SMO: variants seen among roughly 807,000 people sequenced by gnomAD.
SMO encodes smoothened, frizzled class receptor, also known as protein smoothened.
A neutral mutation model predicts 81.6 loss-of-function variants in SMO; 40 were observed. That is an observed-to-expected ratio of 0.49 (90% CI 0.38 to 0.64). SMO has a LOEUF of 0.64. SMO is among the 30% of genes least tolerant of loss of function. The probability of loss-of-function intolerance (pLI) is 0.00; values close to 1 mark genes in which losing one functional copy is unlikely to be tolerated. For missense variants in SMO, 916 were observed against 1,061.1 expected, an observed-to-expected ratio of 0.86 and a Z score of 1.90; for synonymous variants, 434 against 432.1, an observed-to-expected ratio of 1.00 and a Z score of -0.05.
In SMO at chr7:129,205,678, G is replaced by A. The variant is rs112132857; in HGVS notation, c.816G>A (p.Ala272=). The change falls in exon 4 of 12, where the codon GCG becomes GCA. Residue 272 remains alanine, a synonymous_variant. Coordinates refer to ENST00000249373, the MANE Select transcript of SMO (RefSeq NM_005631.5). The part of the protein sequence containing the change: ...YPAVILFYVN[A]CFFVGSIGWL... ...CTGTTATTCTCTTCTACGTCAATGC[G>A]TGCTTCTTTGTGGGCAGCATTGGCT... The A allele has an allele frequency of 4.1e-5, 66 of 1,613,800 alleles. 2 individuals carry two copies. Among genetic ancestry groups the A allele is most frequent in the African/African-American group, 3.7e-4 (28 of 75,062 alleles).
At position 129,211,727 on chromosome 7, in the gene SMO, C is replaced by T. The variant is rs776747135; in HGVS notation, c.1893C>T (p.Ala631=). 1.2e-6 allele frequency: 2 copies of T among 1,614,038 alleles called. No homozygotes were observed. The highest frequency in any genetic ancestry group is 2.2e-5 in the South Asian group (2 of 91,078). Residue 631 remains alanine (A), a synonymous_variant, in exon 11 of 12, where the codon GCC becomes GCT. Transcript: ENST00000249373. This position sits in a 1 kb window ranked among gnomAD's most constrained non-coding sequence, Gnocchi z 4.6. ...HVTKMVARRG[A]ILPQDISVTP... ...CCAAGATGGTGGCTCGGAGAGGAGC[C>T]ATACTGCCCCAGGATATTTCTGTCA...
At position 129,211,431 on chromosome 7, in the gene SMO, T is replaced by A. The variant is rs1793868351; in HGVS notation, c.1802-205T>A. The A allele has an allele frequency of 1.4e-6, 1 of 721,990 alleles. No individual in the cohort carries two copies. The highest frequency in any genetic ancestry group is 2.5e-6 in the Non-Finnish European group (1 of 403,346). The allele number at this position is 721,990 out of a possible 1,614,324, so 44.7% of individuals were successfully genotyped here. A position where few individuals can be genotyped will look rare whatever the true frequency, so the allele number is the denominator to read the frequency against. ...GTCAGGGTTCCAAGAACTGGATTTC[T>A]GGCCTCCAGTTAGGCCCTTTGGGGA... On this transcript the variant is annotated intron_variant, in intron 10 of 11. Coordinates refer to ENST00000249373, the MANE Select transcript of SMO (RefSeq NM_005631.5). This position sits in a 1 kb window ranked among gnomAD's most constrained non-coding sequence, Gnocchi z 4.6.
intron 1 of SMO, among the ~76,000 whole-genome samples, chr7:129,196,874 G>C (rs1006593361): frequency 6.6e-6 from 1 of 151,900 alleles, no homozygotes; most frequent in South Asian, 2.1e-4. Flanking sequence ...AAAGTTAGTC[G>C]GGCATGGTGG....
In SMO at chr7:129,196,120, GA is replaced by G. The variant is rs1167925142; in HGVS notation, c.331+6648del. Among the ~76,000 whole-genome samples, 488 of 134,884 alleles carry G rather than the reference GA, an allele frequency of 3.6e-3. 4 individuals carry two copies. Among genetic ancestry groups the G allele is most frequent in the African/African-American group, 0.012 (437 of 36,536 alleles). The allele number at this position is 134,884 out of a possible 152,430, so 88.5% of individuals were successfully genotyped here. ...CCTCTCAAAAAAAAAAAAAAGAAAA[GA>G]AAAAAAAAACAAAAAAAAATTATGT... On this transcript the variant is annotated intron_variant, in intron 1 of 11. Transcript: ENST00000249373.
chr7:129,211,075 C>G lies in SMO; in HGVS notation c.1763C>G (p.Ser588Cys), dbSNP rs748520705. The G allele has an allele frequency of 6.2e-7, 1 of 1,613,540 alleles. No individual in the cohort carries two copies. The highest frequency in any genetic ancestry group is 8.5e-7 in the Non-Finnish European group (1 of 1,179,790). Residue 588 changes from serine (S) to cysteine (C), a missense_variant, in exon 10 of 12, where the codon TCC (serine) becomes TGC (cysteine). This residue lies in a region of SMO where 324 missense variants were observed against 312.9 expected (regional missense o/e 1.04). Coordinates refer to ENST00000249373, the MANE Select transcript of SMO (RefSeq NM_005631.5). The surrounding 1 kb of genome is among the most constrained non-coding windows in gnomAD (Gnocchi z 4.6). ...CTGCAGAACCCAGGCCAGGAGCTGT[C>G]CTTCAGCATGCACACTGTGTCCCAC... ...ELLQNPGQEL[S>C]FSMHTVSHDG...
chr7:129,189,121 C>T lies in SMO; in HGVS notation c.-31C>T, dbSNP rs867961489. 1.7e-5 allele frequency: 20 copies of T among 1,202,274 alleles called. No homozygotes were observed. The highest frequency in any genetic ancestry group is 3.2e-4 in the Middle Eastern group (1 of 3,096). 74.5% of individuals were successfully genotyped at this position (1,202,274 alleles called of 1,614,324 possible). On this transcript the variant is annotated 5_prime_UTR_variant, in exon 1 of 12. Transcript: ENST00000249373. This position sits in a 1 kb window ranked among gnomAD's most constrained non-coding sequence, Gnocchi z 4.7. ...GGCTCCGAGGAGCAGGCGGGGGCGC[C>T]GGGGCTTTTGCTGAGTTGGCGGGGT...
chr7:129,198,105 T>C (rs1793614369), intron 1 of SMO, among the ~76,000 whole-genome samples: 2 of 151,980 alleles, frequency 1.3e-5, no homozygotes, highest in Admixed American at 1.3e-4. Flanking sequence ...AGCTCAAGTT[T>C]TGTTTTTGTT....
chr7:129,205,277 G>A lies in SMO; in HGVS notation c.612G>A (p.Lys204=), dbSNP rs758505705. Reference sequence around the variant, plus strand: ...CCTTGGTTCGGACAGACAACCCCAAGAGCTGGTACGAGGACGTGGAGGGCT... The same window carrying A: ...CCTTGGTTCGGACAGACAACCCCAAAAGCTGGTACGAGGACGTGGAGGGCT... The part of the protein sequence containing the change: ...EVPLVRTDNP[K]SWYEDVEGCG... Residue 204 remains lysine, a synonymous_variant, in exon 3 of 12, where the codon AAG becomes AAA. Coordinates refer to ENST00000249373, the MANE Select transcript of SMO (RefSeq NM_005631.5). The A allele has an allele frequency of 6.2e-7, 1 of 1,614,236 alleles. No homozygotes were observed. The highest frequency in any genetic ancestry group is 8.5e-7 in the Non-Finnish European group (1 of 1,180,050).
chr7:129,201,311 TG>T (rs1176589440), intron 1 of SMO, among the ~76,000 whole-genome samples: 1 of 152,172 alleles, frequency 6.6e-6, no homozygotes, highest in African/African-American at 2.4e-5. Flanking sequence ...TCCCAAGTTC[TG>T]GGATTACAGG....
Position 129,193,758 on chromosome 7 carries a change from C to CAA in SMO, c.331+4303_331+4304dup, listed in dbSNP as rs35934044. Among the ~76,000 whole-genome samples, 62 of 7,456 alleles carry CAA rather than the reference C, an allele frequency of 8.3e-3. 6 individuals are homozygous for CAA. The highest frequency in any genetic ancestry group is 0.045 in the East Asian group (3 of 66). The allele number at this position is 7,456 out of a possible 152,430, so 4.9% of individuals were successfully genotyped here. On this transcript the variant is annotated intron_variant, in intron 1 of 11. Coordinates refer to ENST00000249373, the MANE Select transcript of SMO (RefSeq NM_005631.5). ...TGGGCGACAGACCGAGACTCCATCTCAAAAAAAAAAAAAAAAAAAAAAAAA... is the reference window on the plus strand; with the variant it reads ...TGGGCGACAGACCGAGACTCCATCTCAAAAAAAAAAAAAAAAAAAAAAAAAAA...
At chr7:129,199,182 C>CTTTTTTCTT (rs770285673) in intron 1 of SMO, among the ~76,000 whole-genome samples, 3 of 126,650 alleles carry the variant, frequency 2.4e-5, no homozygotes, top group African/African-American at 8.8e-5. Flanking sequence ...ATTTTCTTTT[C>CTTTTTTCTT]TTTTTTTTTT....
intron 2 of SMO, among the ~76,000 whole-genome samples, chr7:129,204,362 C>T (rs1303205794): frequency 7.3e-6 from 1 of 137,050 alleles, no homozygotes; most frequent in Non-Finnish European, 1.6e-5. Context: ...ATAGGCTGGC[C>T]AGACACAGTG....
chr7:129,210,861 TG>T lies in SMO; in HGVS notation c.1653-101del. ...GAGTCCTTGAAGGACTTGAGGCCCT[TG>T]GGAGCCTCCTTCTCTGGAAAGAATG... On this transcript the variant is annotated intron_variant, in intron 9 of 11. Transcript: ENST00000249373. This position sits in a 1 kb window ranked among gnomAD's most constrained non-coding sequence, Gnocchi z 4.7. 7.5e-7 allele frequency: 1 copy of T among 1,329,582 alleles called. No homozygotes were observed. The highest frequency in any genetic ancestry group is 1.4e-5 in the South Asian group (1 of 69,816). 82.4% of individuals were successfully genotyped at this position (1,329,582 alleles called of 1,614,324 possible).
Position 129,192,136 on chromosome 7 carries a change from A to G in SMO, c.331+2654A>G, listed in dbSNP as rs1009421072. Reference sequence around the variant, plus strand: ...TTAGGGTACTGAAAAAGCATAAAGGACCCAAGGAACATCCCAGAAGAACTG... The same window carrying G: ...TTAGGGTACTGAAAAAGCATAAAGGGCCCAAGGAACATCCCAGAAGAACTG... On this transcript the variant is annotated intron_variant, in intron 1 of 11. Coordinates refer to ENST00000249373, the MANE Select transcript of SMO (RefSeq NM_005631.5). 3.0e-4 allele frequency among the ~76,000 whole-genome samples: 46 copies of G among 152,254 alleles called. 3 individuals are homozygous for G. The South Asian group carries it at 3.7e-3, about 12-fold the overall frequency.
At chr7:129,202,317 C>G (rs1306659030) in intron 1 of SMO, among the ~76,000 whole-genome samples, 1 of 152,104 alleles carries the variant, frequency 6.6e-6, no homozygotes, top group Non-Finnish European at 1.5e-5. Context: ...TGGACCCAGG[C>G]TGGGCAGTTG....
intron 2 of SMO, among the ~76,000 whole-genome samples, chr7:129,204,753 C>A (rs369488547): frequency 6.6e-6 from 1 of 152,126 alleles, no homozygotes; most frequent in Non-Finnish European, 1.5e-5. Flanking sequence ...CGCAGTGGCT[C>A]ACGCCTGTAA....
intron 1 of SMO, among the ~76,000 whole-genome samples, chr7:129,190,433 G>A (rs1017105977): frequency 6.6e-6 from 1 of 152,188 alleles, no homozygotes; most frequent in African/African-American, 2.4e-5. Flanking sequence ...ATCAGCCCTC[G>A]CTTCTAGCCA....
chr7:129,210,189 C>A lies in SMO; in HGVS notation c.1467-174C>A. ...GACTCAGAAAACCCCACCTGTAGTC[C>A]CAGCTACTTGGGAGGCTGAAGCAGG... is the stretch of plus-strand genomic sequence containing the variant. On this transcript the variant is annotated intron_variant, in intron 8 of 11. Coordinates refer to ENST00000249373, the MANE Select transcript of SMO (RefSeq NM_005631.5). This position sits in a 1 kb window ranked among gnomAD's most constrained non-coding sequence, Gnocchi z 4.7. 1 of 581,502 alleles carries A rather than the reference C, an allele frequency of 1.7e-6. No individual in the cohort carries two copies. Among genetic ancestry groups the A allele is most frequent in the Non-Finnish European group, 3.1e-6 (1 of 326,440 alleles). 36.0% of individuals were successfully genotyped at this position (581,502 alleles called of 1,614,324 possible). A position where few individuals can be genotyped will look rare whatever the true frequency, so the allele number is the denominator to read the frequency against.
chr7:129,209,346 A>T lies in SMO; in HGVS notation c.1415A>T (p.Tyr472Phe), dbSNP rs2150652873. Residue 472 changes from tyrosine (Y) to phenylalanine (F), a missense_variant, in exon 8 of 12, where the codon TAC becomes TTC. Transcript: ENST00000249373. ...FVLITFSCHF[Y>F]DFFNQAEWER... ...CTCATTACCTTCAGCTGCCACTTCT[A>T]CGACTTCTTCAACCAGGCTGAGTGG... is the stretch of plus-strand genomic sequence containing the variant. 6.2e-7 allele frequency: 1 copy of T among 1,614,026 alleles called. No individual in the cohort carries two copies. Among genetic ancestry groups the T allele is most frequent in the South Asian group, 1.1e-5 (1 of 91,086 alleles).
Sources: gnomAD v4.1 joint callset for allele counts (sites outside exome capture counted in the v4.1 genomes callset) on GRCh38, gnomAD v4.1.1 for gene constraint, gnomAD v4.1.1 regional missense constraint, Gnocchi (gnomAD v3.1) non-coding constraint, MANE v1.5 for transcripts, NCBI Gene and HGNC (gene_info 2026-07-23, HGNC 2026-07-21) for gene names.